The following PTPRD variants were observed in gnomAD, a reference collection of about 807,000 sequenced individuals.
PTPRD encodes receptor-type tyrosine-protein phosphatase delta.
PTPRD carries 34 observed loss-of-function variants against 214.5 expected under a neutral mutation model. That is an observed-to-expected ratio of 0.16 (90% confidence interval 0.12 to 0.21). PTPRD has a LOEUF of 0.21. Ranked by LOEUF, PTPRD falls within the 10% of genes least tolerant of loss-of-function variation. PTPRD has a pLI of 1.00. For missense variants in PTPRD, 2,545 were observed against 2,398.7 expected (o/e 1.06, Z -1.27); for synonymous variants, 1,128 against 845.7 (o/e 1.33, Z -5.79).
At chr9:9,108,612 A>G (rs2154447296) in intron 10 of PTPRD, among the ~76,000 whole-genome samples, 1 of 152,308 alleles carries the variant, frequency 6.6e-6, no homozygotes, top group East Asian at 1.9e-4. Flanking sequence ...AACCGAAGCA[A>G]TGGAAAAAAA....
At chr9:8,714,797 C>T (rs1597760806) in intron 12 of PTPRD, among the ~76,000 whole-genome samples, 2 of 152,130 alleles carry the variant, frequency 1.3e-5, no homozygotes, top group African/African-American at 4.8e-5. Flanking sequence ...ATTTCCCTTA[C>T]TCTGGTCTTT....
intron 32 of PTPRD, among the ~76,000 whole-genome samples, chr9:8,461,941 T>A (rs549234126): frequency 4.5e-4 from 69 of 152,080 alleles, no homozygotes; most frequent in Non-Finnish European, 8.0e-4. Context: ...TGAGCCACTG[T>A]GGCTGGCCCT....
rs542642542 is a variant in PTPRD, at chr9:8,655,565, T to C, written c.65-18721A>G. On this transcript the variant is annotated intron_variant, in intron 12 of 45. Transcript: ENST00000381196. ...AACAATATGAATATGAAGGTGTGTA[T>C]AGAAAAACATAAAGGAGATTTAAAC... Among the ~76,000 whole-genome samples the C allele has an allele frequency of 9.9e-5, 15 of 152,250 alleles. No individual in the cohort carries two copies. In the South Asian group the frequency reaches 2.1e-3, roughly 21 times the overall value.
At chr9:8,451,676 C>T (rs1355720875) in intron 33 of PTPRD, among the ~76,000 whole-genome samples, 1 of 152,174 alleles carries the variant, frequency 6.6e-6, no homozygotes, top group South Asian at 2.1e-4. Context: ...CCACGTGAAA[C>T]ATATGGTTGG....
Position 8,460,882 on chromosome 9 carries a change from G to T in PTPRD, c.3715-311C>A, listed in dbSNP as rs138947821. On this transcript the variant is annotated intron_variant, in intron 32 of 45. Transcript: ENST00000381196. ...ATTAAATGATCCTATGAAGCGTAAA[G>T]TACCAGTAATTAACCAGTTGCAAAA... is the stretch of plus-strand genomic sequence containing the variant. 2.4e-3 allele frequency among the ~76,000 whole-genome samples: 372 copies of T among 152,140 alleles called. 5 individuals carry two copies. The highest frequency in any genetic ancestry group is 0.021 in the South Asian group (103 of 4,824).
At chr9:10,287,132 CA>C (rs547681911) in intron 3 of PTPRD, among the ~76,000 whole-genome samples, 2 of 152,132 alleles carry the variant, frequency 1.3e-5, no homozygotes, top group Admixed American at 1.3e-4. Context: ...ATTAATTATA[CA>C]AAAAAGATGG....
At chr9:9,763,764 T>C (rs951219683) in intron 6 of PTPRD, among the ~76,000 whole-genome samples, 3 of 152,116 alleles carry the variant, frequency 2.0e-5, no homozygotes, top group African/African-American at 7.2e-5. Flanking sequence ...CTTCTTCTTT[T>C]TTGATAATTT....
Position 8,449,706 on chromosome 9 carries a change from G to C in PTPRD, c.3988+19C>G, listed in dbSNP as rs1160942812. 15 of 1,604,410 alleles carry C rather than the reference G, an allele frequency of 9.3e-6. No individual in the cohort carries two copies. The highest frequency in any genetic ancestry group is 3.3e-5 in the South Asian group (3 of 90,836). ...TCTGGGAAAGACTGTGTGTGGATTA[G>C]ATGTGTGATGCTTCTTACCCGGTGT... On this transcript the variant is annotated intron_variant, in intron 34 of 45. Coordinates refer to ENST00000381196, the MANE Select transcript of PTPRD (RefSeq NM_002839.4).
At chr9:9,985,599 T>A (rs1254711542) in intron 4 of PTPRD, among the ~76,000 whole-genome samples, 1 of 152,134 alleles carries the variant, frequency 6.6e-6, no homozygotes, top group Non-Finnish European at 1.5e-5. Context: ...AACTGATTTA[T>A]AATAAAAGGA....
intron 3 of PTPRD, among the ~76,000 whole-genome samples, chr9:10,290,887 T>C (rs577506486): frequency 1.3e-5 from 2 of 152,236 alleles, no homozygotes; most frequent in South Asian, 4.1e-4. Flanking sequence ...ACAGATACTG[T>C]TGAATATAAA....
At chr9:8,662,460 A>G (rs1327754265) in intron 12 of PTPRD, among the ~76,000 whole-genome samples, 1 of 152,224 alleles carries the variant, frequency 6.6e-6, no homozygotes, top group Non-Finnish European at 1.5e-5. Flanking sequence ...ACAACAGGGA[A>G]GAGATGACAT....
intron 8 of PTPRD, among the ~76,000 whole-genome samples, chr9:9,571,906 CAT>C (rs1040929437): frequency 2.6e-5 from 4 of 150,988 alleles, no homozygotes; most frequent in Non-Finnish European, 5.9e-5. Flanking sequence ...AGGTAATAAA[CAT>C]AGAACAATGT....
chr9:10,474,517 T>G (rs372450545), intron 2 of PTPRD, among the ~76,000 whole-genome samples: 1 of 152,056 alleles, frequency 6.6e-6, no homozygotes, highest in African/African-American at 2.4e-5. Flanking sequence ...ACAAAGAGAC[T>G]TGGACTCCCA....
intron 2 of PTPRD, among the ~76,000 whole-genome samples, chr9:10,479,767 G>A (rs1032201438): frequency 6.6e-6 from 1 of 151,960 alleles, no homozygotes; most frequent in African/African-American, 2.4e-5. Context: ...GCTGCAGTGG[G>A]CCTTGATTAC....
At chr9:8,953,448 T>A (rs1237872176) in intron 11 of PTPRD, among the ~76,000 whole-genome samples, 1 of 151,978 alleles carries the variant, frequency 6.6e-6, no homozygotes. Flanking sequence ...TGGCAAAGAA[T>A]TTGTAGCTAA....
chr9:10,158,175 T>C (rs1185639289), intron 3 of PTPRD, among the ~76,000 whole-genome samples: 1 of 151,924 alleles, frequency 6.6e-6, no homozygotes, highest in African/African-American at 2.4e-5. Flanking sequence ...ACCCAACTAA[T>C]TTTTTGTGTT....
chr9:8,999,305 AC>A (rs978775481), intron 11 of PTPRD, among the ~76,000 whole-genome samples: 147 of 152,122 alleles, frequency 9.7e-4, no homozygotes, highest in Middle Eastern at 3.4e-3. Context: ...GTTTTAAAAA[AC>A]CGCAACAGCC....
At chr9:10,568,448 G>A (rs1248327099) in intron 2 of PTPRD, among the ~76,000 whole-genome samples, 1 of 152,038 alleles carries the variant, frequency 6.6e-6, no homozygotes, top group Non-Finnish European at 1.5e-5. Context: ...TGTCTTCATA[G>A]CAGCATGATT....
chr9:9,972,872 C>G (rs898905829), intron 4 of PTPRD, among the ~76,000 whole-genome samples: 1 of 152,102 alleles, frequency 6.6e-6, no homozygotes, highest in Admixed American at 6.5e-5. Flanking sequence ...TTACATTTTG[C>G]CCACCTGAGT....
Sources: gnomAD v4.1 joint callset for allele counts (sites outside exome capture counted in the v4.1 genomes callset) on GRCh38, gnomAD v4.1.1 for gene constraint, MANE v1.5 for transcripts, NCBI Gene and HGNC (gene_info 2026-07-23, HGNC 2026-07-21) for gene names.